Variants in CIMIP6 observed in about 807,000 individuals in gnomAD.
CIMIP6 encodes ciliary microtubule inner protein 6.
chr2:54,337,687 T>A, the CIMIP6 span, among the ~76,000 whole-genome samples: 4 of 152,154 alleles, frequency 2.6e-5, no homozygotes, highest in African/African-American at 9.7e-5. Flanking sequence ...GGAAAAAAAA[T>A]GAACAAAGGT....
chr2:54,375,516 T>C, the CIMIP6 span, among the ~76,000 whole-genome samples: 1 of 152,334 alleles, frequency 6.6e-6, no homozygotes, highest in African/African-American at 2.4e-5. Flanking sequence ...TGTGAGAGAA[T>C]AGGTACAACC....
At chr2:54,335,841 T>C in the CIMIP6 span, among the ~76,000 whole-genome samples, 1 of 152,212 alleles carries the variant, frequency 6.6e-6, no homozygotes, top group East Asian at 1.9e-4. Context: ...CTTTCCCAGC[T>C]TCTAGAGACT....
At chr2:54,376,841 C>T in the CIMIP6 span, among the ~76,000 whole-genome samples, 11 of 152,208 alleles carry the variant, frequency 7.2e-5, no homozygotes, top group African/African-American at 2.7e-4. Context: ...AGCTACACAC[C>T]AGGGCTTCTC....
chr2:54,371,183 G>A, the CIMIP6 span, among the ~76,000 whole-genome samples: 1 of 152,202 alleles, frequency 6.6e-6, no homozygotes, highest in Non-Finnish European at 1.5e-5. Context: ...GAGGAAACAT[G>A]TCACTGCTCT....
the CIMIP6 span, among the ~76,000 whole-genome samples, chr2:54,370,332 G>C: frequency 6.6e-6 from 1 of 152,046 alleles, no homozygotes; most frequent in South Asian, 2.1e-4. Context: ...CAGGAAAAAA[G>C]TTAAAGCTCC....
the CIMIP6 span, among the ~76,000 whole-genome samples, chr2:54,351,112 C>T: frequency 6.6e-6 from 1 of 152,166 alleles, no homozygotes; most frequent in Non-Finnish European, 1.5e-5. Context: ...AGAACAGCAT[C>T]TTTCACTTGT....
chr2:54,331,148 A>G, the CIMIP6 span: 1 of 728,060 alleles, frequency 1.4e-6, no homozygotes, highest in Non-Finnish European at 2.3e-6. Context: ...AGCGCTTACA[A>G]CAATAATTTT....
the CIMIP6 span, among the ~76,000 whole-genome samples, chr2:54,336,888 G>C: frequency 6.6e-6 from 1 of 152,206 alleles, no homozygotes; most frequent in Non-Finnish European, 1.5e-5. Flanking sequence ...TTAGCTCTTA[G>C]TAGCAGCAGA....
chr2:54,335,163 C>T, the CIMIP6 span: 4 of 652,176 alleles, frequency 6.1e-6, no homozygotes, highest in Non-Finnish European at 1.0e-5. Flanking sequence ...AAAGCAGTAA[C>T]CTGAAACTAT....
the CIMIP6 span, chr2:54,358,958 G>C: frequency 6.7e-7 from 1 of 1,484,416 alleles, no homozygotes; most frequent in Non-Finnish European, 9.0e-7. Context: ...CTTTTTTTTA[G>C]TACCACTTGC....
At chr2:54,364,329 A>T in the CIMIP6 span, among the ~76,000 whole-genome samples, 1 of 152,242 alleles carries the variant, frequency 6.6e-6, no homozygotes. Flanking sequence ...AATTACAAAA[A>T]ATAAAAAAGA....
the CIMIP6 span, among the ~76,000 whole-genome samples, chr2:54,347,057 A>G: frequency 6.6e-6 from 1 of 152,342 alleles, no homozygotes; most frequent in East Asian, 1.9e-4. Context: ...ATTTATGTCT[A>G]TGTACTTGTT....
the CIMIP6 span, among the ~76,000 whole-genome samples, chr2:54,345,460 A>G: frequency 1.3e-5 from 2 of 152,158 alleles, no homozygotes; most frequent in East Asian, 3.8e-4. Context: ...TTTACGTAGG[A>G]ATTTCATCTC....
chr2:54,349,217 CT>C, the CIMIP6 span, among the ~76,000 whole-genome samples: 1 of 151,878 alleles, frequency 6.6e-6, no homozygotes, highest in Non-Finnish European at 1.5e-5. Flanking sequence ...TACAGTTATG[CT>C]TTTTTCTTTT....
At chr2:54,362,978 A>G in the CIMIP6 span, among the ~76,000 whole-genome samples, 3 of 152,198 alleles carry the variant, frequency 2.0e-5, no homozygotes, top group African/African-American at 7.2e-5. Context: ...TTGACCATCT[A>G]TTAAACTTAG....
chr2:54,359,846 A>C, the CIMIP6 span, among the ~76,000 whole-genome samples: 1 of 152,150 alleles, frequency 6.6e-6, no homozygotes, highest in Non-Finnish European at 1.5e-5. Context: ...TAGGTCTATG[A>C]ACTGTAGTTT....
chr2:54,351,244 G>C, the CIMIP6 span, among the ~76,000 whole-genome samples: 1 of 152,098 alleles, frequency 6.6e-6, no homozygotes, highest in Non-Finnish European at 1.5e-5. Flanking sequence ...ATTATGTTCT[G>C]TTTTCCAGAA....
At chr2:54,348,020 A>C in the CIMIP6 span, among the ~76,000 whole-genome samples, 1 of 152,130 alleles carries the variant, frequency 6.6e-6, no homozygotes, top group South Asian at 2.1e-4. Context: ...AGCCCTCTTA[A>C]ATTTCTGTAG....
the CIMIP6 span, among the ~76,000 whole-genome samples, chr2:54,341,116 G>C: frequency 6.6e-6 from 1 of 152,176 alleles, no homozygotes; most frequent in African/African-American, 2.4e-5. Flanking sequence ...GTTTGTGTAT[G>C]CTTTACAATC....
Sources: gnomAD v4.1 joint callset for allele counts (sites outside exome capture counted in the v4.1 genomes callset) on GRCh38, gnomAD v4.1.1 for gene constraint, MANE v1.5 for transcripts, NCBI Gene and HGNC (gene_info 2026-07-23, HGNC 2026-07-21) for gene names.